Variants in LPA observed in about 807,000 individuals in gnomAD.
LPA encodes apolipoprotein(a).
LPA carries 199 observed loss-of-function variants against 197.9 expected under a neutral mutation model. That is an observed-to-expected ratio of 1.01 (90% CI 0.90 to 1.13). The LOEUF (loss-of-function observed/expected upper bound fraction) is 1.13. Among genes scored for constraint, LPA ranks in the 50% most tolerant of loss-of-function variants. The pLI is 0.00. For synonymous variants in LPA, 715 were observed against 639.5 expected (o/e 1.12, Z -1.78); for missense variants, 1,853 against 1,785.8 (o/e 1.04, Z -0.68).
At chr6:160,634,084 C>T (rs940216970) in intron 7 of LPA, among the ~76,000 whole-genome samples, 172 bp from the exon 8 acceptor site, 1 of 138,966 alleles carries the variant, frequency 7.2e-6, no homozygotes, top group African/African-American at 2.8e-5. Context: ...AGCAAACCTA[C>T]AGATTCCTAC....
rs557325122 is a variant in LPA at position 160,599,225 on chromosome 6, C to T, written c.3287+275G>A. Among the ~76,000 whole-genome samples, 6 of 152,230 alleles carry T rather than the reference C, an allele frequency of 3.9e-5. No individual in the cohort carries two copies. The South Asian group carries it at 8.3e-4, about 21-fold the overall frequency. ...GGGTGTGGTGGTGGGTGCCTGTAGT[C>T]CCAGCTGCTAGAGAGGCTGAAGCAG... is the stretch of plus-strand genomic sequence containing the variant. On this transcript the variant is annotated intron_variant, in intron 20 of 38. Coordinates refer to ENST00000316300, the MANE Select transcript of LPA (RefSeq NM_005577.4).
chr6:160,664,186 A>G lies in LPA; in HGVS notation c.29T>C (p.Leu10Pro), dbSNP rs1252113389. The G allele has an allele frequency of 1.6e-5, 26 of 1,606,396 alleles. No individual in the cohort carries two copies. The highest frequency in any genetic ancestry group is 1.0e-4 in the Admixed American group (6 of 59,522). ...CTTACCTGATTTCAGAAATAAAAGA[A>G]GTAGAAGAACCACTTCCTTATGTTC... Reference protein sequence around the residue: MEHKEVVLLLLLFLKSAAPE... With the variant: MEHKEVVLLPLLFLKSAAPE... Residue 10 changes from leucine (L) to proline (P), a missense_variant, in exon 1 of 39, where the codon CTT becomes CCT. Leu to Pro is a moderately conservative substitution (Grantham distance 98). Coordinates refer to ENST00000316300, the MANE Select transcript of LPA (RefSeq NM_005577.4).
At chr6:160,576,336 G>A (rs185841426) in intron 28 of LPA, among the ~76,000 whole-genome samples, 7 of 19,700 alleles carry the variant, frequency 3.6e-4, no homozygotes, top group African/African-American at 2.7e-3. Context: ...GTGTGTGTGT[G>A]TGTGTATATA....
chr6:160,646,779 A>G (rs1779888410), intron 2 of LPA, among the ~76,000 whole-genome samples: 1 of 145,278 alleles, frequency 6.9e-6, no homozygotes, highest in Non-Finnish European at 1.5e-5. Context: ...TTCACATGCA[A>G]ATGCATCTGT....
At chr6:160,591,460 G>A (rs1397818297) in intron 22 of LPA, among the ~76,000 whole-genome samples, 6 of 152,176 alleles carry the variant, frequency 3.9e-5, no homozygotes, top group South Asian at 2.1e-4. Flanking sequence ...TTTTATGCAC[G>A]TACAAATGTT....
intron 1 of LPA, among the ~76,000 whole-genome samples, chr6:160,657,633 G>A (rs866003135): frequency 1.4e-4 from 22 of 152,198 alleles, no homozygotes; most frequent in Middle Eastern, 3.4e-3. Context: ...TCCTGATCTC[G>A]TGATCTGCCC....
rs540201578 is a variant in LPA, at chr6:160,648,207, G to T, written c.210-1812C>A. Among the ~76,000 whole-genome samples the T allele has an allele frequency of 2.6e-5, 4 of 152,268 alleles. No individual in the cohort carries two copies. The South Asian group carries it at 8.3e-4, about 32-fold the overall frequency. On this transcript the variant is annotated intron_variant, in intron 2 of 38. Coordinates refer to ENST00000316300, the MANE Select transcript of LPA (RefSeq NM_005577.4). ...TCTGATGGGAACACATTAGTCACTTGTATCACTGTTCCTCTAGCAAGACAC... is the reference window on the plus strand; with the variant it reads ...TCTGATGGGAACACATTAGTCACTTTTATCACTGTTCCTCTAGCAAGACAC...
At chr6:160,603,895 A>G (rs774885127) in intron 18 of LPA, among the ~76,000 whole-genome samples, 4 of 152,050 alleles carry the variant, frequency 2.6e-5, no homozygotes, top group Admixed American at 1.3e-4. Flanking sequence ...TGGAGTCTCT[A>G]CTGTATTCCC....
At chr6:160,550,790 G>A (rs889313230) in intron 30 of LPA, among the ~76,000 whole-genome samples, 3 of 152,134 alleles carry the variant, frequency 2.0e-5, no homozygotes, top group African/African-American at 7.2e-5. Flanking sequence ...CATACATAAT[G>A]TTCATTTTTG....
At chr6:160,555,731 C>G (rs1055440710) in intron 30 of LPA, among the ~76,000 whole-genome samples, 2 of 151,816 alleles carry the variant, frequency 1.3e-5, no homozygotes, top group African/African-American at 4.8e-5. Flanking sequence ...CTTTTATGAG[C>G]CTTGTAGAAT....
chr6:160,595,454 C>T lies in LPA; in HGVS notation c.3369G>A (p.Trp1123Ter), dbSNP rs1194300118. The part of the protein sequence containing the change: ...WCYTMDPSVR[W>*]EYCNLTQCLV... ...GGCATTGTGTCAGGTTGCAGTACTC[C>T]CACCTGACACTGGGATCCATGGTGT... The change falls in exon 21 of 39, where the codon TGG becomes TGA. Residue 1123 changes from tryptophan (W) to a stop codon, truncating the protein, a stop_gained. Coordinates refer to ENST00000316300, the MANE Select transcript of LPA (RefSeq NM_005577.4). LOFTEE classifies it high-confidence loss of function. 6.8e-6 allele frequency: 11 copies of T among 1,613,710 alleles called. No homozygotes were observed. Among genetic ancestry groups the T allele is most frequent in the Non-Finnish European group, 8.5e-6 (10 of 1,179,916 alleles).
At position 160,579,872 on chromosome 6, in the gene LPA, TGTTTTTCA is replaced by T. The variant is rs1778757546; in HGVS notation, c.4290-1176_4290-1169del. 3.3e-5 allele frequency among the ~76,000 whole-genome samples: 5 copies of T among 152,354 alleles called. No individual in the cohort carries two copies. In the South Asian group the frequency reaches 1.0e-3, roughly 32 times the overall value. On this transcript the variant is annotated intron_variant, in intron 26 of 38. Coordinates refer to ENST00000316300, the MANE Select transcript of LPA (RefSeq NM_005577.4). ...TAGCACCTGAAACAGATACCTGCTC[TGTTTTTCA>T]GTTGAGTATATTTTCACATAGAGTG...
chr6:160,651,961 C>A (rs1780013343), intron 1 of LPA, among the ~76,000 whole-genome samples: 1 of 149,678 alleles, frequency 6.7e-6, no homozygotes, highest in East Asian at 1.9e-4. Context: ...TAAACTTGAA[C>A]ATAGTCTACT....
chr6:160,588,028 G>A (rs1226231943), intron 24 of LPA, among the ~76,000 whole-genome samples: 1 of 147,504 alleles, frequency 6.8e-6, no homozygotes, highest in South Asian at 2.1e-4. Context: ...AGCTTTTGCT[G>A]ACATTTTCCT....
Position 160,600,947 on chromosome 6 carries a change from C to A in LPA, c.3097G>T (p.Ala1033Ser), listed in dbSNP as rs771845458. Residue 1033 changes from alanine to serine, a missense_variant, in exon 19 of 39, where the codon GCT becomes TCT. Transcript: ENST00000316300. ...TCAAAAAAAGCCTCTAGGCTTGGAG[C>A]CAGAATAACATTCGGAGGGACGAAG... The part of the protein sequence containing the change: ...TAFVPPNVIL[A>S]PSLEAFFEQA... 13 of 1,612,978 alleles carry A rather than the reference C, an allele frequency of 8.1e-6. No homozygotes were observed. The highest frequency in any genetic ancestry group is 8.0e-5 in the African/African-American group (6 of 74,872).
At chr6:160,532,279 A>G (rs556642854) in intron 38 of LPA, among the ~76,000 whole-genome samples, 1 of 152,150 alleles carries the variant, frequency 6.6e-6, no homozygotes, top group Non-Finnish European at 1.5e-5. Flanking sequence ...CACACCAGGA[A>G]GGTGAGTGGC....
intron 1 of LPA, among the ~76,000 whole-genome samples, chr6:160,662,155 T>A (rs1213557366): frequency 3.9e-5 from 6 of 152,238 alleles, no homozygotes; most frequent in Non-Finnish European, 1.5e-5. Flanking sequence ...CCAGGGCTCA[T>A]ATGGCAATGG....
At chr6:160,610,947 C>G (rs1779492490) in intron 16 of LPA, among the ~76,000 whole-genome samples, 1 of 152,108 alleles carries the variant, frequency 6.6e-6, no homozygotes, top group Admixed American at 6.5e-5. Flanking sequence ...GGTGGTCAGA[C>G]CAGGGCTTCT....
chr6:160,545,240 C>A (rs534629262), intron 33 of LPA, among the ~76,000 whole-genome samples, 200 bp downstream of exon 33: 1 of 151,134 alleles, frequency 6.6e-6, no homozygotes, highest in Non-Finnish European at 1.5e-5. Flanking sequence ...GTGGGAGGGG[C>A]GGGTGTTTTC....
Sources: gnomAD v4.1 joint callset for allele counts (sites outside exome capture counted in the v4.1 genomes callset) on GRCh38, gnomAD v4.1.1 for gene constraint, MANE v1.5 for transcripts, NCBI Gene and HGNC (gene_info 2026-07-23, HGNC 2026-07-21) for gene names.